The following KCNQ1 variants were observed in gnomAD, a reference collection of about 807,000 sequenced individuals.
The protein encoded by KCNQ1 is potassium voltage-gated channel subfamily KQT member 1.
A neutral mutation model predicts 72.4 loss-of-function variants in KCNQ1; 49 were observed. The ratio of observed to expected loss-of-function variants is 0.68; its 90% CI spans 0.54 to 0.86. The LOEUF is 0.86. Ranked by LOEUF, KCNQ1 falls within the 40% of genes least tolerant of loss-of-function variation. The pLI is 0.00. For synonymous variants in KCNQ1, 450 were observed against 412.6 expected (o/e 1.09, Z -1.10); for missense variants, 790 against 945.1 (o/e 0.84, Z 2.15).
intron 11 of KCNQ1, among the ~76,000 whole-genome samples, chr11:2,749,535 C>A (rs1564880649): frequency 1.3e-5 from 2 of 151,026 alleles, no homozygotes. Flanking sequence ...CTTGGCCGGG[C>A]GTGCTGCCTC....
chr11:2,615,975 C>T (rs1266154424), intron 10 of KCNQ1: 6 of 398,032 alleles, frequency 1.5e-5, no homozygotes, highest in African/African-American at 8.2e-5. Flanking sequence ...TCAACAGTGA[C>T]GCCATCTGTG....
At chr11:2,504,015 A>G (rs922789838) in intron 1 of KCNQ1, among the ~76,000 whole-genome samples, 1 of 152,240 alleles carries the variant, frequency 6.6e-6, no homozygotes, top group Non-Finnish European at 1.5e-5. Flanking sequence ...CCAGCAGAGA[A>G]GGATCCGCAC....
At chr11:2,448,508 G>A (rs1373363216) in intron 1 of KCNQ1, among the ~76,000 whole-genome samples, 1 of 152,218 alleles carries the variant, frequency 6.6e-6, no homozygotes, top group African/African-American at 2.4e-5. Context: ...CAACTTTGTG[G>A]ACTCCAGTGC....
At chr11:2,721,721 C>G (rs1435378107) in intron 11 of KCNQ1, among the ~76,000 whole-genome samples, 1 of 152,118 alleles carries the variant, frequency 6.6e-6, no homozygotes, top group Non-Finnish European at 1.5e-5. Context: ...GGCCGTTTGT[C>G]TCTTCCGACA....
intron 10 of KCNQ1, chr11:2,614,893 T>G (rs1435903735): frequency 7.5e-6 from 3 of 398,328 alleles, no homozygotes; most frequent in Non-Finnish European, 1.3e-5. Flanking sequence ...AAATTCCATT[T>G]ACATTTTAAA....
At position 2,687,461 on chromosome 11, in the gene KCNQ1, C is replaced by G. The variant is rs1250256986; in HGVS notation, c.1514+25380C>G. ...ATACAGATCCCTGCCTGCACAAGAGCTGCTGCAGCATTTCAATAGGGCCAT... is the reference window on the plus strand; with the variant it reads ...ATACAGATCCCTGCCTGCACAAGAGGTGCTGCAGCATTTCAATAGGGCCAT... On this transcript the variant is annotated intron_variant, in intron 11 of 15. Coordinates refer to ENST00000155840, the MANE Select transcript of KCNQ1 (RefSeq NM_000218.3). The surrounding 1 kb of genome is among the most constrained non-coding windows in gnomAD (Gnocchi z 5.0). The G allele has an allele frequency of 2.2e-4, 87 of 398,832 alleles. No homozygotes were observed. In the East Asian group the frequency reaches 3.0e-3, roughly 14 times the overall value. 24.7% of individuals were successfully genotyped at this position (398,832 alleles called of 1,614,324 possible).
At chr11:2,835,242 T>G (rs1419054525) in intron 15 of KCNQ1, among the ~76,000 whole-genome samples, 1 of 152,056 alleles carries the variant, frequency 6.6e-6, no homozygotes, top group Non-Finnish European at 1.5e-5. Context: ...TCCCTGCGGC[T>G]GGGGTGGCCA....
intron 11 of KCNQ1, chr11:2,689,523 TC>T (rs1269759075): frequency 1.8e-5 from 7 of 398,542 alleles, no homozygotes; most frequent in Non-Finnish European, 3.1e-5. Context: ...ATGGTCCCTG[TC>T]CCAGCATGAA....
chr11:2,584,595 TA>T (rs1325598380), intron 7 of KCNQ1, among the ~76,000 whole-genome samples: 2 of 150,488 alleles, frequency 1.3e-5, no homozygotes, highest in African/African-American at 4.9e-5. Context: ...GTTTGTGGGT[TA>T]GTGTGTGTTA....
intron 10 of KCNQ1, chr11:2,631,491 G>A (rs1421779038): frequency 1.3e-5 from 5 of 391,624 alleles, no homozygotes; most frequent in African/African-American, 4.5e-5. Flanking sequence ...GATTTCATTA[G>A]GTTGTCTCTC....
chr11:2,503,921 C>T lies in KCNQ1; in HGVS notation c.387-24007C>T, dbSNP rs565101833. Among the ~76,000 whole-genome samples, 15 of 152,260 alleles carry T rather than the reference C, an allele frequency of 9.9e-5. 1 individual carries two copies. In the East Asian group the frequency reaches 2.3e-3, roughly 23 times the overall value. ...CTACAACCACCGTGGAGGACAGTTT[C>T]GAGGTTCCTCAAAACTAAAAATAGA... On this transcript the variant is annotated intron_variant, in intron 1 of 15. Coordinates refer to ENST00000155840, the MANE Select transcript of KCNQ1 (RefSeq NM_000218.3).
rs1218981599 is a variant in KCNQ1 at position 2,826,996 on chromosome 11, T to A, written c.1795-20771T>A. ...GACATCGGAGCAGTCCTCTAAGGAG[T>A]TTGGAGTCATTTTCAGTCACTCACA... On this transcript the variant is annotated intron_variant, in intron 15 of 15. Coordinates refer to ENST00000155840, the MANE Select transcript of KCNQ1 (RefSeq NM_000218.3). This position sits in a 1 kb window ranked among gnomAD's most constrained non-coding sequence, Gnocchi z 4.2. Among the ~76,000 whole-genome samples the A allele has an allele frequency of 6.6e-6, 1 of 151,474 alleles. No individual in the cohort carries two copies. Among genetic ancestry groups the A allele is most frequent in the Non-Finnish European group, 1.5e-5 (1 of 67,870 alleles).
chr11:2,582,456 G>A (rs574496449), intron 6 of KCNQ1, among the ~76,000 whole-genome samples: 83 of 152,364 alleles, frequency 5.4e-4, no homozygotes, highest in African/African-American at 1.9e-3. Flanking sequence ...TCCAGTGGGG[G>A]TCTCCATGTG....
At chr11:2,820,967 G>A (rs547675155) in intron 15 of KCNQ1, among the ~76,000 whole-genome samples, 46 of 152,332 alleles carry the variant, frequency 3.0e-4, no homozygotes, top group African/African-American at 8.4e-4. Context: ...GCTGGGCCTC[G>A]GCCATCTCTG....
In KCNQ1 at chr11:2,549,449, C is replaced by T. The variant is rs1159510320; in HGVS notation, c.478-21179C>T. Among the ~76,000 whole-genome samples, 2 of 152,182 alleles carry T rather than the reference C, an allele frequency of 1.3e-5. No individual in the cohort carries two copies. The highest frequency in any genetic ancestry group is 2.9e-5 in the Non-Finnish European group (2 of 68,016). On this transcript the variant is annotated intron_variant, in intron 2 of 15. Transcript: ENST00000155840. This position sits in a 1 kb window ranked among gnomAD's most constrained non-coding sequence, Gnocchi z 6.2. Reference sequence around the variant, plus strand: ...GTTTGAGGCCTCAGATTTTCTACCTCAAAGCGATGGAACCCAGAAGACATG... The same window carrying T: ...GTTTGAGGCCTCAGATTTTCTACCTTAAAGCGATGGAACCCAGAAGACATG...
rs1380509978 is a variant in KCNQ1 at position 2,598,165 on chromosome 11, A to AT, written c.1393+9316dup. On this transcript the variant is annotated intron_variant, in intron 10 of 15. Transcript: ENST00000155840. The surrounding 1 kb of genome is among the most constrained non-coding windows in gnomAD (Gnocchi z 6.2). ...TATTTGAAGTTCTTCTACTAAAGGC[A>AT]TTTTTAAAGGCTATAAATTTTCCTC... is the stretch of plus-strand genomic sequence containing the variant. Among the ~76,000 whole-genome samples, 1 of 152,150 alleles carries AT rather than the reference A, an allele frequency of 6.6e-6. No homozygotes were observed. The highest frequency in any genetic ancestry group is 2.4e-5 in the African/African-American group (1 of 41,452).
rs959047241 is a variant in KCNQ1, at chr11:2,492,120, C to G, written c.387-35808C>G. Among the ~76,000 whole-genome samples the G allele has an allele frequency of 3.9e-5, 6 of 151,980 alleles. No individual in the cohort carries two copies. The highest frequency in any genetic ancestry group is 7.3e-5 in the African/African-American group (3 of 41,356). On this transcript the variant is annotated intron_variant, in intron 1 of 15. Transcript: ENST00000155840. This position sits in a 1 kb window ranked among gnomAD's most constrained non-coding sequence, Gnocchi z 4.1. Reference sequence around the variant, plus strand: ...GAAAGAAAAGGGTGTTAATAAGCAACAAGAAATGATGTGAAGGTACAAAAC... The same window carrying G: ...GAAAGAAAAGGGTGTTAATAAGCAAGAAGAAATGATGTGAAGGTACAAAAC...
At chr11:2,530,634 T>C (rs1048639864) in intron 2 of KCNQ1, among the ~76,000 whole-genome samples, 1 of 152,218 alleles carries the variant, frequency 6.6e-6, no homozygotes, top group Non-Finnish European at 1.5e-5. Flanking sequence ...CTGAGTATTA[T>C]GTAAGTGTGC....
In KCNQ1 at chr11:2,602,030, T is replaced by A. The variant is rs1848815917; in HGVS notation, c.1393+13176T>A. On this transcript the variant is annotated intron_variant, in intron 10 of 15. Coordinates refer to ENST00000155840, the MANE Select transcript of KCNQ1 (RefSeq NM_000218.3). This position sits in a 1 kb window ranked among gnomAD's most constrained non-coding sequence, Gnocchi z 4.8. ...AATGGGCCCGGTGTAATCACAAGGG[T>A]CCTTATAACAGGGAGGCAGAAGAAT... Among the ~76,000 whole-genome samples, 1 of 152,112 alleles carries A rather than the reference T, an allele frequency of 6.6e-6. No homozygotes were observed. The highest frequency in any genetic ancestry group is 2.4e-5 in the African/African-American group (1 of 41,412).
Sources: gnomAD v4.1 joint callset for allele counts (sites outside exome capture counted in the v4.1 genomes callset) on GRCh38, gnomAD v4.1.1 for gene constraint, Gnocchi (gnomAD v3.1) non-coding constraint, MANE v1.5 for transcripts, NCBI Gene and HGNC (gene_info 2026-07-23, HGNC 2026-07-21) for gene names.